The following CMTM4 variants were observed in gnomAD, a reference collection of about 807,000 sequenced individuals.
CMTM4 encodes the protein CKLF-like MARVEL transmembrane domain-containing protein 4.
Under a neutral mutation model 19.0 loss-of-function variants are expected in CMTM4, and 8 were observed. The observed-to-expected ratio is 0.42, with a 90% CI of 0.25 to 0.76. CMTM4 has a LOEUF of 0.76. CMTM4 is among the 30% of genes least tolerant of loss of function. The pLI is 0.27. For missense variants in CMTM4, 228 were observed against 290.2 expected (o/e 0.79, Z 1.56); for synonymous variants, 106 against 121.1 (o/e 0.88, Z 0.82).
At chr16:66,640,627 G>A (rs1443053813) in intron 1 of CMTM4, among the ~76,000 whole-genome samples, 1 of 152,226 alleles carries the variant, frequency 6.6e-6, no homozygotes, top group Non-Finnish European at 1.5e-5. Flanking sequence ...AGACTACAGT[G>A]AGGACAAGGG....
In CMTM4 at chr16:66,620,059, A is replaced by C. The variant is rs355945; in HGVS notation, c.*1999T>G. On this transcript the variant is annotated 3_prime_UTR_variant, in exon 4 of 4. Transcript: ENST00000394106. Reference sequence around the variant, plus strand: ...CTGGGAAAACTTGGGCAACAAGCCCACCTGAATGGTGTTCTTGTTTTCAAT... The same window carrying C: ...CTGGGAAAACTTGGGCAACAAGCCCCCCTGAATGGTGTTCTTGTTTTCAAT... The C allele has an allele frequency of 0.046, 44,928 of 985,350 alleles. 1,190 individuals are homozygous for C. Among genetic ancestry groups the C allele is most frequent in the Admixed American group, 0.12 (1,902 of 16,278 alleles). 61.0% of individuals were successfully genotyped at this position (985,350 alleles called of 1,614,324 possible).
At chr16:66,661,209 T>C (rs1402036993) in intron 1 of CMTM4, among the ~76,000 whole-genome samples, 2 of 152,234 alleles carry the variant, frequency 1.3e-5, no homozygotes, top group African/African-American at 4.8e-5. Flanking sequence ...GACTTCAGAT[T>C]GCTAATATGT....
chr16:66,675,767 G>A (rs2016799233), intron 1 of CMTM4, among the ~76,000 whole-genome samples: 1 of 152,186 alleles, frequency 6.6e-6, no homozygotes, highest in African/African-American at 2.4e-5. Flanking sequence ...GCCACACACT[G>A]CAGGACCGAA....
rs71378405 is a variant in CMTM4, at chr16:66,683,194, C to CATAT, written c.186+13142_186+13145dup. Among the ~76,000 whole-genome samples the CATAT allele has an allele frequency of 4.6e-3, 494 of 107,656 alleles. 6 individuals are homozygous for CATAT. The highest frequency in any genetic ancestry group is 0.011 in the African/African-American group (288 of 25,078). 70.6% of individuals were successfully genotyped at this position (107,656 alleles called of 152,430 possible). On this transcript the variant is annotated intron_variant, in intron 1 of 3. Transcript: ENST00000394106. ...ATATATACATATGTATATATATATA[C>CATAT]ATATATATATATATATAAATTTTCC... is the stretch of plus-strand genomic sequence containing the variant.
intron 1 of CMTM4, among the ~76,000 whole-genome samples, chr16:66,695,415 G>T (rs1366817554): frequency 2.6e-5 from 4 of 152,154 alleles, no homozygotes; most frequent in African/African-American, 9.7e-5. Flanking sequence ...TTTTGAGGCC[G>T]GTGGCCTCAG....
At chr16:66,686,854 A>G (rs530550633) in intron 1 of CMTM4, among the ~76,000 whole-genome samples, 2 of 150,322 alleles carry the variant, frequency 1.3e-5, no homozygotes, top group South Asian at 2.1e-4. Flanking sequence ...TCCAGGCTAC[A>G]CTCATGAGGA....
chr16:66,690,857 A>C (rs1444742613), intron 1 of CMTM4, among the ~76,000 whole-genome samples: 1 of 152,198 alleles, frequency 6.6e-6, no homozygotes, highest in Non-Finnish European at 1.5e-5. Flanking sequence ...CTGTAATCCC[A>C]GCACTTTGGG....
intron 1 of CMTM4, among the ~76,000 whole-genome samples, chr16:66,651,767 T>G (rs1340838791): frequency 6.6e-6 from 1 of 152,328 alleles, no homozygotes; most frequent in East Asian, 1.9e-4. Context: ...TTAATTTTTC[T>G]AAGAAAAATA....
At chr16:66,684,635 G>T (rs1165535985) in intron 1 of CMTM4, among the ~76,000 whole-genome samples, 1 of 152,070 alleles carries the variant, frequency 6.6e-6, no homozygotes, top group African/African-American at 2.4e-5. Flanking sequence ...GCTTTAAGTT[G>T]AGAATTTTTC....
intron 1 of CMTM4, among the ~76,000 whole-genome samples, chr16:66,688,868 G>T (rs1040279955): frequency 1.3e-5 from 2 of 152,124 alleles, no homozygotes; most frequent in South Asian, 4.1e-4. Flanking sequence ...TGTTTTGTGA[G>T]ATTTATATCT....
In CMTM4 at chr16:66,617,918, C is replaced by T. The variant is rs1031505879; in HGVS notation, c.*4140G>A. On this transcript the variant is annotated 3_prime_UTR_variant, in exon 4 of 4. Coordinates refer to ENST00000394106, the MANE Select transcript of CMTM4 (RefSeq NM_181521.3). ...GAGACAGCTTTCAAAGACAAGAGGA[C>T]AGGAAGGCAGTTAACAAAGTACACG... is the stretch of plus-strand genomic sequence containing the variant. The T allele has an allele frequency of 1.0e-6, 1 of 987,704 alleles. No homozygotes were observed. The highest frequency in any genetic ancestry group is 1.2e-6 in the Non-Finnish European group (1 of 831,516). 61.2% of individuals were successfully genotyped at this position (987,704 alleles called of 1,614,324 possible).
At chr16:66,650,882 G>A (rs1009909595) in intron 1 of CMTM4, among the ~76,000 whole-genome samples, 1 of 152,172 alleles carries the variant, frequency 6.6e-6, no homozygotes, top group Non-Finnish European at 1.5e-5. Context: ...TTAACCTAGT[G>A]AAGACCTACG....
chr16:66,619,281 T>C lies in CMTM4; in HGVS notation c.*2777A>G, dbSNP rs117563284. 2.5e-3 allele frequency: 2,499 copies of C among 985,452 alleles called. 6 individuals are homozygous for C. The highest frequency in any genetic ancestry group is 2.8e-3 in the Non-Finnish European group (2,351 of 829,948). 61.0% of individuals were successfully genotyped at this position (985,452 alleles called of 1,614,324 possible). ...CCAAAATAAACTTTCTCTGAGGACA[T>C]CAGTGTTTGCATCCATCTAAAACCA... On this transcript the variant is annotated 3_prime_UTR_variant, in exon 4 of 4. Transcript: ENST00000394106.
the CMTM4 span, among the ~76,000 whole-genome samples, chr16:66,602,058 G>C: frequency 6.6e-6 from 1 of 152,232 alleles, no homozygotes; most frequent in Admixed American, 6.5e-5. Flanking sequence ...GCCATCAAAA[G>C]TGATCAATGA....
At chr16:66,635,715 A>C (rs2015979504) in intron 2 of CMTM4, among the ~76,000 whole-genome samples, 1 of 152,178 alleles carries the variant, frequency 6.6e-6, no homozygotes, top group Non-Finnish European at 1.5e-5. Flanking sequence ...ACTCCCTTTG[A>C]GCTCTTGCAC....
chr16:66,632,350 C>T (rs961266556), intron 2 of CMTM4, among the ~76,000 whole-genome samples: 8 of 152,028 alleles, frequency 5.3e-5, no homozygotes, highest in Non-Finnish European at 8.8e-5. Context: ...CGGAAGACCA[C>T]CACATAGTCA....
At chr16:66,638,571 A>AT (rs1176171973) in intron 1 of CMTM4, among the ~76,000 whole-genome samples, 9 of 152,136 alleles carry the variant, frequency 5.9e-5, no homozygotes, top group Admixed American at 5.2e-4. Flanking sequence ...TTGAGAGGAG[A>AT]TTTTAGGCTG....
At position 66,696,605 on chromosome 16, in the gene CMTM4, G is replaced by A; in HGVS notation, c.-80C>T. 7.7e-6 allele frequency: 4 copies of A among 521,800 alleles called. No individual in the cohort carries two copies. Among genetic ancestry groups the A allele is most frequent in the Non-Finnish European group, 7.0e-6 (3 of 428,100 alleles). 32.3% of individuals were successfully genotyped at this position (521,800 alleles called of 1,614,324 possible). A position where few individuals can be genotyped will look rare whatever the true frequency, so the allele number is the denominator to read the frequency against. On this transcript the variant is annotated 5_prime_UTR_variant, in exon 1 of 4. Transcript: ENST00000394106. The surrounding 1 kb of genome is among the most constrained non-coding windows in gnomAD (Gnocchi z 4.3). ...GCGGACTCAGCGGGGCCGCCGCATC[G>A]CCGCCGCCGCCGCCGCCGCCGCCGC...
At chr16:66,667,520 A>C (rs2016619780) in intron 1 of CMTM4, among the ~76,000 whole-genome samples, 1 of 152,202 alleles carries the variant, frequency 6.6e-6, no homozygotes, top group South Asian at 2.1e-4. Context: ...AGATGCATTT[A>C]CACACAGTTC....
Sources: gnomAD v4.1 joint callset for allele counts (sites outside exome capture counted in the v4.1 genomes callset) on GRCh38, gnomAD v4.1.1 for gene constraint, Gnocchi (gnomAD v3.1) non-coding constraint, MANE v1.5 for transcripts, NCBI Gene and HGNC (gene_info 2026-07-23, HGNC 2026-07-21) for gene names.